TRIM71: variants seen among roughly 807,000 people sequenced by gnomAD.
TRIM71 encodes tripartite motif containing 71, also known as E3 ubiquitin-protein ligase TRIM71.
Under a neutral mutation model 61.2 loss-of-function variants are expected in TRIM71, and 9 were observed. That is an observed-to-expected ratio of 0.15 (90% CI 0.09 to 0.26). The LOEUF (loss-of-function observed/expected upper bound fraction) is 0.26. Among genes scored for constraint, TRIM71 ranks in the 10% least tolerant of loss-of-function variants. The pLI, the probability that TRIM71 is intolerant of heterozygous loss-of-function variation, is 1.00. For synonymous variants in TRIM71, 645 were observed against 553.2 expected, an observed-to-expected ratio of 1.17 and a Z score of -2.33; for missense variants, 998 against 1,238.7, an observed-to-expected ratio of 0.81 and a Z score of 2.92.
chr3:32,842,617 A>G (rs1299762598), intron 1 of TRIM71, among the ~76,000 whole-genome samples: 1 of 152,236 alleles, frequency 6.6e-6, no homozygotes, highest in African/African-American at 2.4e-5. Flanking sequence ...GAGTCTTGCC[A>G]GCATGTGCCT....
Position 32,891,757 on chromosome 3 carries a change from C to G in TRIM71, c.2553C>G (p.Pro851=), listed in dbSNP as rs371940942. The change falls in exon 4 of 4, where the codon CCC becomes CCG. Residue 851 remains proline, a synonymous_variant. Transcript: ENST00000383763. This position sits in a 1 kb window ranked among gnomAD's most constrained non-coding sequence, Gnocchi z 8.2. ...GCCCTTCCGGCATCGCCATCACCCC[C>G]GACGGAATGATCGTTGTGGTGGACT... ...MDRPSGIAIT[P]DGMIVVVDFG... The G allele has an allele frequency of 6.2e-7, 1 of 1,614,092 alleles. No homozygotes were observed. The highest frequency in any genetic ancestry group is 1.1e-5 in the South Asian group (1 of 91,086).
intron 1 of TRIM71, among the ~76,000 whole-genome samples, chr3:32,846,365 A>G (rs1164030794): frequency 1.3e-5 from 2 of 152,184 alleles, no homozygotes; most frequent in Non-Finnish European, 1.5e-5. Context: ...GTGAGCCACT[A>G]TGCCTGGCCA....
At chr3:32,882,204 A>G (rs2125691144) in intron 2 of TRIM71, among the ~76,000 whole-genome samples, 1 of 151,960 alleles carries the variant, frequency 6.6e-6, no homozygotes, top group South Asian at 2.1e-4. Flanking sequence ...AACATATGAT[A>G]GAAGTTAGAT....
chr3:32,824,855 C>T (rs1166310484), intron 1 of TRIM71, among the ~76,000 whole-genome samples: 3 of 151,990 alleles, frequency 2.0e-5, no homozygotes, highest in Non-Finnish European at 4.4e-5. Context: ...AGTTCAGTGG[C>T]GCGATCTTGG....
intron 1 of TRIM71, among the ~76,000 whole-genome samples, chr3:32,866,089 G>A (rs1471054160): frequency 6.6e-6 from 1 of 151,584 alleles, no homozygotes; most frequent in African/African-American, 2.4e-5. Flanking sequence ...GCCTCCCAAA[G>A]TGCTGGGATT....
Position 32,818,111 on chromosome 3 carries a change from A to G in TRIM71, c.31A>G (p.Ile11Val), listed in dbSNP as rs200479784. Residue 11 changes from isoleucine (I) to valine (V), a missense_variant, in exon 1 of 4, where the codon ATC becomes GTC. Ile to Val is a conservative substitution (Grantham distance 29, BLOSUM62 3). Coordinates refer to ENST00000383763, the MANE Select transcript of TRIM71 (RefSeq NM_001039111.3). MASFPETDFQICLLCKEMCGS... is the reference protein window; with the variant it reads MASFPETDFQVCLLCKEMCGS... Reference sequence around the variant, plus strand: ...TTCGTTCCCCGAGACCGATTTCCAGATCTGCTTGCTGTGCAAGGAGATGTG... The same window carrying G: ...TTCGTTCCCCGAGACCGATTTCCAGGTCTGCTTGCTGTGCAAGGAGATGTG... The G allele has an allele frequency of 3.7e-4, 596 of 1,611,468 alleles. 1 individual carries two copies. Among genetic ancestry groups the G allele is most frequent in the South Asian group, 5.1e-4 (46 of 91,058 alleles).
intron 1 of TRIM71, among the ~76,000 whole-genome samples, chr3:32,850,728 A>AGC (rs887652410): frequency 6.6e-6 from 1 of 152,246 alleles, no homozygotes; most frequent in African/African-American, 2.4e-5. Context: ...AACGCTGCTA[A>AGC]GCAGGGTATC....
chr3:32,889,507 G>A (rs1696998430), intron 3 of TRIM71, among the ~76,000 whole-genome samples: 1 of 141,028 alleles, frequency 7.1e-6, no homozygotes, highest in South Asian at 2.2e-4. Context: ...TGCAGTAATA[G>A]TAACTCCATA....
rs184923688 is a variant in TRIM71 at position 32,891,163 on chromosome 3, C to G, written c.1959C>G (p.Phe653Leu). The part of the protein sequence containing the change: ...FGTLGSRPGQ[F>L]DRPAGVACDA... ...CCCTGGGCTCCCGGCCTGGGCAGTT[C>G]GACCGACCAGCCGGCGTGGCCTGTG... is the stretch of plus-strand genomic sequence containing the variant. The change falls in exon 4 of 4, where the codon TTC (phenylalanine) becomes TTG (leucine). Residue 653 changes from phenylalanine (F) to leucine (L), a missense_variant. This residue lies in a region of TRIM71 where 83 missense variants were observed against 202.7 expected (regional missense o/e 0.41). Transcript: ENST00000383763. The surrounding 1 kb of genome is among the most constrained non-coding windows in gnomAD (Gnocchi z 8.2). The G allele has an allele frequency of 1.9e-6, 3 of 1,613,294 alleles. No individual in the cohort carries two copies. Among genetic ancestry groups the G allele is most frequent in the Middle Eastern group, 1.6e-4 (1 of 6,062 alleles).
In TRIM71 at chr3:32,874,123, C is replaced by T. The variant is rs1029900092; in HGVS notation, c.1020+138C>T. ...CAAATGAGCTCAGGTGACATCCCTG[C>T]AGCAGCGGTCCCTTTAGGGGTTCTG... On this transcript the variant is annotated intron_variant, in intron 2 of 3. Transcript: ENST00000383763. The T allele has an allele frequency of 1.2e-5, 10 of 845,788 alleles. No individual in the cohort carries two copies. In the African/African-American group the frequency reaches 1.7e-4, roughly 14 times the overall value. The allele number at this position is 845,788 out of a possible 1,614,324, so 52.4% of individuals were successfully genotyped here.
At chr3:32,844,971 A>T (rs1172383089) in intron 1 of TRIM71, among the ~76,000 whole-genome samples, 1 of 152,084 alleles carries the variant, frequency 6.6e-6, no homozygotes, top group Non-Finnish European at 1.5e-5. Flanking sequence ...TTTGAGCGAA[A>T]CTCCCCAAAG....
chr3:32,889,022 C>G (rs1419126166), intron 3 of TRIM71, among the ~76,000 whole-genome samples: 1 of 152,180 alleles, frequency 6.6e-6, no homozygotes, highest in Non-Finnish European at 1.5e-5. Flanking sequence ...TGCTCTTTGT[C>G]TGTATCAGGG....
chr3:32,855,850 G>A lies in TRIM71; in HGVS notation c.853-17968G>A, dbSNP rs559073561. On this transcript the variant is annotated intron_variant, in intron 1 of 3. Coordinates refer to ENST00000383763, the MANE Select transcript of TRIM71 (RefSeq NM_001039111.3). ...TGTTTATAAAACAACCCACAGTTCA[G>A]AGGGACAGCATACAGGAGAGATGCC... Among the ~76,000 whole-genome samples the A allele has an allele frequency of 6.6e-5, 10 of 152,324 alleles. No homozygotes were observed. In the East Asian group the frequency reaches 1.9e-3, roughly 29 times the overall value.
chr3:32,847,191 T>G (rs1034994878), intron 1 of TRIM71, among the ~76,000 whole-genome samples: 1 of 51,898 alleles, frequency 1.9e-5, no homozygotes, highest in African/African-American at 7.4e-5. Context: ...GGTCCAGCAA[T>G]TTTTTTTTTT....
chr3:32,865,468 C>A (rs968164934), intron 1 of TRIM71, among the ~76,000 whole-genome samples: 1 of 152,208 alleles, frequency 6.6e-6, no homozygotes, highest in East Asian at 1.9e-4. Context: ...GTGGGTTGGG[C>A]GGCAGCAAGA....
intron 1 of TRIM71, among the ~76,000 whole-genome samples, chr3:32,857,342 C>G (rs184450224): frequency 6.6e-5 from 10 of 152,328 alleles, no homozygotes; most frequent in African/African-American, 2.4e-4. Context: ...AGCACAAGGG[C>G]ATGCTACTGC....
At position 32,892,066 on chromosome 3, in the gene TRIM71, C is replaced by A. The variant is rs1176775239; in HGVS notation, c.*255C>A. The A allele has an allele frequency of 2.3e-6, 1 of 432,518 alleles. No individual in the cohort carries two copies. Among genetic ancestry groups the A allele is most frequent in the Non-Finnish European group, 4.0e-6 (1 of 251,876 alleles). 26.8% of individuals were successfully genotyped at this position (432,518 alleles called of 1,614,324 possible). ...CCTGTGAAGTGATAATTTCTATCTA[C>A]CTCATAAATCTTTACATTTCCTTCT... On this transcript the variant is annotated 3_prime_UTR_variant, in exon 4 of 4. Transcript: ENST00000383763.
intron 1 of TRIM71, among the ~76,000 whole-genome samples, chr3:32,864,079 C>T (rs1417752770): frequency 6.6e-6 from 1 of 152,008 alleles, no homozygotes; most frequent in Non-Finnish European, 1.5e-5. Context: ...ACATCCAAGA[C>T]TGATTGATTG....
In TRIM71 at chr3:32,891,169, A is replaced by T. The variant is rs1390801645; in HGVS notation, c.1965A>T (p.Arg655=). The T allele has an allele frequency of 1.2e-6, 2 of 1,613,288 alleles. No homozygotes were observed. Among genetic ancestry groups the T allele is most frequent in the East Asian group, 4.5e-5 (2 of 44,886 alleles). ...GCTCCCGGCCTGGGCAGTTCGACCGACCAGCCGGCGTGGCCTGTGACGCCT... is the reference window on the plus strand; with the variant it reads ...GCTCCCGGCCTGGGCAGTTCGACCGTCCAGCCGGCGTGGCCTGTGACGCCT... ...TLGSRPGQFD[R]PAGVACDASR... is the part of the protein sequence containing the mutation. The change falls in exon 4 of 4, where the codon CGA becomes CGT. Residue 655 remains arginine, a synonymous_variant. Transcript: ENST00000383763. This position sits in a 1 kb window ranked among gnomAD's most constrained non-coding sequence, Gnocchi z 8.2.
Sources: gnomAD v4.1 joint callset for allele counts (sites outside exome capture counted in the v4.1 genomes callset) on GRCh38, gnomAD v4.1.1 for gene constraint, gnomAD v4.1.1 regional missense constraint, Gnocchi (gnomAD v3.1) non-coding constraint, MANE v1.5 for transcripts, NCBI Gene and HGNC (gene_info 2026-07-23, HGNC 2026-07-21) for gene names.